The following RCAN2 variants were observed in gnomAD, a reference collection of about 807,000 sequenced individuals.
The protein encoded by RCAN2 is regulator of calcineurin 2, also known as calcipressin-2.
A neutral mutation model predicts 23.6 loss-of-function variants in RCAN2; 9 were observed. The observed-to-expected ratio is 0.38, with a 90% CI of 0.23 to 0.67. The LOEUF is 0.67. Among genes scored for constraint, RCAN2 ranks in the 30% least tolerant of loss-of-function variants. RCAN2 has a pLI of 0.51. For synonymous variants in RCAN2, 109 were observed against 115.7 expected, an observed-to-expected ratio of 0.94 and a Z score of 0.37; for missense variants, 273 against 302.3, an observed-to-expected ratio of 0.90 and a Z score of 0.72.
chr6:46,274,971 A>G (rs1767644162), intron 2 of RCAN2, among the ~76,000 whole-genome samples: 1 of 152,236 alleles, frequency 6.6e-6, no homozygotes, highest in Non-Finnish European at 1.5e-5. Flanking sequence ...ATATATGCAG[A>G]TGACTGGAAC....
chr6:46,434,622 GCTT>G (rs1330799434), intron 2 of RCAN2, among the ~76,000 whole-genome samples: 1 of 152,188 alleles, frequency 6.6e-6, no homozygotes, highest in Non-Finnish European at 1.5e-5. Flanking sequence ...TTTTCTTCAT[GCTT>G]CTTCTAGAGA....
chr6:46,351,075 T>A (rs1001232675), intron 2 of RCAN2, among the ~76,000 whole-genome samples: 2 of 152,230 alleles, frequency 1.3e-5, no homozygotes, highest in Admixed American at 6.5e-5. Flanking sequence ...CTAGCTATTA[T>A]CATTATATCT....
chr6:46,347,560 G>A (rs1010862857), intron 2 of RCAN2, among the ~76,000 whole-genome samples: 3 of 152,132 alleles, frequency 2.0e-5, no homozygotes, highest in Non-Finnish European at 4.4e-5. Flanking sequence ...CAACCAAAAT[G>A]TAAAAAGTAT....
chr6:46,351,112 T>G (rs1307015589), intron 2 of RCAN2, among the ~76,000 whole-genome samples: 1 of 152,216 alleles, frequency 6.6e-6, no homozygotes, highest in Non-Finnish European at 1.5e-5. Context: ...GCAGTGGCAT[T>G]ATTGGATAAA....
chr6:46,429,813 G>A (rs1264235727), intron 2 of RCAN2, among the ~76,000 whole-genome samples: 2 of 152,188 alleles, frequency 1.3e-5, no homozygotes, highest in Admixed American at 6.5e-5. Context: ...CTCTAAAAGT[G>A]TATCCCAGAG....
intron 4 of RCAN2, among the ~76,000 whole-genome samples, chr6:46,242,166 A>G (rs1766329013): frequency 6.6e-6 from 1 of 152,326 alleles, no homozygotes; most frequent in East Asian, 1.9e-4. Flanking sequence ...TTTGGGTCTG[A>G]TCATGGTTCC....
At chr6:46,364,565 C>T (rs1765111364) in intron 2 of RCAN2, among the ~76,000 whole-genome samples, 1 of 152,216 alleles carries the variant, frequency 6.6e-6, no homozygotes, top group East Asian at 1.9e-4. Context: ...GAGCTGCCTG[C>T]TTAGCCTCAC....
chr6:46,294,032 G>T (rs1762643834), intron 2 of RCAN2, among the ~76,000 whole-genome samples: 1 of 152,200 alleles, frequency 6.6e-6, no homozygotes, highest in African/African-American at 2.4e-5. Context: ...AGGGCGTGAT[G>T]ATTGGGGCAC....
chr6:46,427,752 G>A (rs771938301), intron 2 of RCAN2, among the ~76,000 whole-genome samples: 3 of 152,180 alleles, frequency 2.0e-5, no homozygotes, highest in African/African-American at 4.8e-5. Flanking sequence ...CAAAAGAAAC[G>A]AGAGAAACCA....
intron 2 of RCAN2, among the ~76,000 whole-genome samples, chr6:46,305,319 C>T (rs1404960368): frequency 6.6e-6 from 1 of 152,072 alleles, no homozygotes; most frequent in Non-Finnish European, 1.5e-5. Context: ...TACTACACTT[C>T]ACGTAGCTTC....
At chr6:46,247,063 T>C in intron 3 of RCAN2, 144 bp from the exon 4 acceptor site, 1 of 632,510 alleles carries the variant, frequency 1.6e-6, no homozygotes. Flanking sequence ...ACTTACCACA[T>C]ACCATGTGCT....
At chr6:46,435,918 A>G (rs1314776461) in intron 2 of RCAN2, among the ~76,000 whole-genome samples, 1 of 152,262 alleles carries the variant, frequency 6.6e-6, no homozygotes, top group Non-Finnish European at 1.5e-5. Flanking sequence ...GGAACTTTCT[A>G]GTGAGCACTG....
intron 2 of RCAN2, among the ~76,000 whole-genome samples, chr6:46,255,676 C>T (rs538753272): frequency 5.9e-5 from 9 of 151,884 alleles, no homozygotes; most frequent in Non-Finnish European, 1.2e-4. Context: ...CTCAGGAGGA[C>T]AACAGGAAAC....
chr6:46,364,007 T>C (rs1233237262), intron 2 of RCAN2, among the ~76,000 whole-genome samples: 1 of 152,088 alleles, frequency 6.6e-6, no homozygotes, highest in Non-Finnish European at 1.5e-5. Context: ...CAGAAAAAAA[T>C]TCACTGAATC....
At chr6:46,479,188 T>C (rs1768791621) in intron 1 of RCAN2, among the ~76,000 whole-genome samples, 1 of 152,222 alleles carries the variant, frequency 6.6e-6, no homozygotes, top group Non-Finnish European at 1.5e-5. Context: ...TCGAAGATTT[T>C]CATTAGGTAT....
intron 2 of RCAN2, among the ~76,000 whole-genome samples, chr6:46,266,860 C>G (rs1233309900): frequency 1.3e-5 from 2 of 152,072 alleles, no homozygotes; most frequent in Non-Finnish European, 2.9e-5. Flanking sequence ...GCTCAAGGCC[C>G]CATCACCAGT....
At chr6:46,304,707 G>C (rs1763009887) in intron 2 of RCAN2, among the ~76,000 whole-genome samples, 1 of 152,100 alleles carries the variant, frequency 6.6e-6, no homozygotes, top group Non-Finnish European at 1.5e-5. Context: ...AGGTGGAGAG[G>C]AGGGGAAGGG....
chr6:46,406,674 C>T (rs1766415139), intron 2 of RCAN2, among the ~76,000 whole-genome samples: 1 of 152,298 alleles, frequency 6.6e-6, no homozygotes, highest in Non-Finnish European at 1.5e-5. Flanking sequence ...TTAGAAAAGC[C>T]TTTGCTTTAC....
intron 2 of RCAN2, among the ~76,000 whole-genome samples, chr6:46,267,531 G>A (rs891740665): frequency 2.0e-5 from 3 of 152,016 alleles, no homozygotes; most frequent in South Asian, 2.1e-4. Flanking sequence ...ACAAACAAAC[G>A]AAAACGAGGT....
Sources: allele counts gnomAD v4.1 joint callset (sites outside exome capture counted in the v4.1 genomes callset), GRCh38; gene constraint gnomAD v4.1.1; transcripts MANE v1.5; gene names NCBI Gene and HGNC (gene_info 2026-07-23, HGNC 2026-07-21).